TTI2: variants seen among roughly 807,000 people sequenced by gnomAD.
TTI2 encodes TELO2-interacting protein 2.
Under a neutral mutation model 44.9 loss-of-function variants are expected in TTI2, and 26 were observed. The observed-to-expected ratio is 0.58, with a 90% CI of 0.42 to 0.80. The LOEUF (loss-of-function observed/expected upper bound fraction) is 0.80. Among genes scored for constraint, TTI2 ranks in the 30% least tolerant of loss-of-function variants. The pLI is 0.00. For missense variants in TTI2, 582 were observed against 611.6 expected, an observed-to-expected ratio of 0.95 and a Z score of 0.51; for synonymous variants, 254 against 250.9, an observed-to-expected ratio of 1.01 and a Z score of -0.12.
In TTI2 at chr8:33,509,917, A is replaced by T; in HGVS notation, c.663T>A (p.Asn221Lys). Residue 221 changes from asparagine to lysine, a missense_variant, in exon 3 of 8, where the codon AAT (asparagine) becomes AAA (lysine). Transcript: ENST00000431156. The stretch of plus-strand genomic sequence containing the variant: ...AGAAAACATGTTTGATGGCAGGGTT[A>T]TTCTTCCAGGATTCCCTAAGTGAAT... ...KPDLYKESWK[N>K]NPAIKHVFSW... The T allele has an allele frequency of 6.7e-7, 1 of 1,491,244 alleles. No homozygotes were observed. The highest frequency in any genetic ancestry group is 9.0e-7 in the Non-Finnish European group (1 of 1,106,706). The allele number at this position is 1,491,244 out of a possible 1,614,324, so 92.4% of individuals were successfully genotyped here.
Position 33,499,214 on chromosome 8 carries a change from C to T in TTI2, c.1486G>A (p.Val496Met), listed in dbSNP as rs369232711. The T allele has an allele frequency of 1.2e-6, 2 of 1,613,968 alleles. No homozygotes were observed. The highest frequency in any genetic ancestry group is 2.7e-5 in the African/African-American group (2 of 74,908). Residue 496 changes from valine to methionine, a missense_variant, in exon 8 of 8, where the codon GTG becomes ATG. By Grantham distance (21) the Val-to-Met change is conservative. Coordinates refer to ENST00000431156, the MANE Select transcript of TTI2 (RefSeq NM_001102401.4). ...DRKVVNYIRK[V>M]QQVSEGAPYN... The stretch of plus-strand genomic sequence containing the variant: ...GGTGCGCCTTCAGAAACCTGCTGCA[C>T]TTTTCTGATATAGTTCACCACTTTT...
rs764657477 is a variant in TTI2 at position 33,509,863 on chromosome 8, G to A, written c.717C>T (p.Pro239=). The change falls in exon 3 of 8, where the codon CCC becomes CCT. Residue 239 remains proline (P), a synonymous_variant. Transcript: ENST00000431156. ...CCCTTTCCAGATGCTGGCTCAGCCA[G>A]GGCCGAGTGACCTGTTGCAGAGTCC... The part of the protein sequence containing the change: ...FSWTLQQVTR[P]WLSQHLERVL... 4 of 1,613,944 alleles carry A rather than the reference G, an allele frequency of 2.5e-6. No individual in the cohort carries two copies. The highest frequency in any genetic ancestry group is 2.2e-5 in the East Asian group (1 of 44,862).
At position 33,509,912 on chromosome 8, in the gene TTI2, G is replaced by A. The variant is rs745525486; in HGVS notation, c.668C>T (p.Pro223Leu). Reference protein sequence around the residue: ...DLYKESWKNNPAIKHVFSWTL... With the variant: ...DLYKESWKNNLAIKHVFSWTL... ...CCATGAGAAAACATGTTTGATGGCA[G>A]GGTTATTCTTCCAGGATTCCCTAAG... The change falls in exon 3 of 8, where the codon CCT becomes CTT. Residue 223 changes from proline (P) to leucine (L), a missense_variant. Transcript: ENST00000431156. The A allele has an allele frequency of 3.1e-6, 5 of 1,608,106 alleles. No homozygotes were observed. In the Admixed American group the frequency reaches 8.4e-5, roughly 27 times the overall value.
chr8:33,503,501 T>C lies in TTI2; in HGVS notation c.1187A>G (p.Asp396Gly), dbSNP rs1486477122. Residue 396 changes from aspartate to glycine, a missense_variant, in exon 6 of 8, where the codon GAT becomes GGT. By Grantham distance (94) the Asp-to-Gly change is moderately conservative (BLOSUM62 -1). Coordinates refer to ENST00000431156, the MANE Select transcript of TTI2 (RefSeq NM_001102401.4). ...CAGTCTAGCTTCCTCCTCAGGTCCATCATAAACCTCCAGATAACCAATGAT... is the reference window on the plus strand; with the variant it reads ...CAGTCTAGCTTCCTCCTCAGGTCCACCATAAACCTCCAGATAACCAATGAT... ...RVIIGYLEVYDGPEEEARLKI... is the reference protein window; with the variant it reads ...RVIIGYLEVYGGPEEEARLKI... The C allele has an allele frequency of 1.2e-6, 2 of 1,614,126 alleles. No individual in the cohort carries two copies. Among genetic ancestry groups the C allele is most frequent in the Non-Finnish European group, 8.5e-7 (1 of 1,180,020 alleles).
intron 3 of TTI2, among the ~76,000 whole-genome samples, 172 bp downstream of exon 3, chr8:33,509,574 A>G (rs1199305167): frequency 6.6e-6 from 1 of 151,868 alleles, no homozygotes; most frequent in Non-Finnish European, 1.5e-5. Context: ...TTATCATTTT[A>G]GTTATTACAT....
At position 33,503,143 on chromosome 8, in the gene TTI2, A is replaced by AC. The variant is rs796542003; in HGVS notation, c.1259+285_1259+286insG. 1.1e-3 allele frequency among the ~76,000 whole-genome samples: 159 copies of AC among 143,200 alleles called. 1 individual carries two copies. Among genetic ancestry groups the AC allele is most frequent in the African/African-American group, 3.9e-3 (148 of 37,732 alleles). The allele number at this position is 143,200 out of a possible 152,430, so 93.9% of individuals were successfully genotyped here. On this transcript the variant is annotated intron_variant, in intron 6 of 7. Coordinates refer to ENST00000431156, the MANE Select transcript of TTI2 (RefSeq NM_001102401.4). ...GACTCCATTTCAAAAAAAAAAAAAA[A>AC]AAAAACAAAAAAGATATACTAGAGT...
intron 2 of TTI2, among the ~76,000 whole-genome samples, chr8:33,511,137 G>T (rs1224076982): frequency 1.3e-5 from 2 of 152,040 alleles, no homozygotes; most frequent in African/African-American, 4.8e-5. Context: ...CTGCCTCCTG[G>T]TTTCAAGCGA....
At chr8:33,507,145 C>A in intron 4 of TTI2, 84 bp downstream of exon 4, 1 of 1,222,056 alleles carries the variant, frequency 8.2e-7, no homozygotes, top group South Asian at 1.3e-5. Context: ...GAAAATGTCT[C>A]TCAATTACTA....
intron 2 of TTI2, among the ~76,000 whole-genome samples, 159 bp downstream of exon 2, chr8:33,511,808 G>C (rs1809536796): frequency 6.6e-6 from 1 of 152,172 alleles, no homozygotes; most frequent in Admixed American, 6.5e-5. Flanking sequence ...AGAATCGCTT[G>C]AACCCAGGAG....
intron 4 of TTI2, among the ~76,000 whole-genome samples, chr8:33,505,257 G>A (rs949881044): frequency 6.6e-6 from 1 of 152,092 alleles, no homozygotes; most frequent in African/African-American, 2.4e-5. Context: ...AATAAAGGCA[G>A]CAGGGTGGGG....
At chr8:33,505,787 G>A (rs1809271960) in intron 4 of TTI2, among the ~76,000 whole-genome samples, 2 of 152,190 alleles carry the variant, frequency 1.3e-5, no homozygotes, top group African/African-American at 4.8e-5. Context: ...CCGAGTAGCT[G>A]TGACTACAGA....
intron 4 of TTI2, among the ~76,000 whole-genome samples, chr8:33,506,136 G>C (rs1447757806): frequency 1.3e-5 from 2 of 152,060 alleles, no homozygotes; most frequent in Non-Finnish European, 2.9e-5. Flanking sequence ...ATTCTGTACT[G>C]TATATATATG....
intron 2 of TTI2, 47 bp from the exon 3 acceptor site, chr8:33,509,979 CAAA>C (rs10588315): frequency 0.029 from 11,691 of 408,744 alleles, no homozygotes; most frequent in Middle Eastern, 0.042. Context: ...TGATAAGTAG[CAAA>C]AAAAAAAAAA....
intron 3 of TTI2, among the ~76,000 whole-genome samples, chr8:33,508,544 G>A (rs1311500067): frequency 2.1e-5 from 3 of 143,460 alleles, no homozygotes; most frequent in Non-Finnish European, 4.5e-5. Flanking sequence ...CCGGGAGGCA[G>A]AGGTTGCAGT....
chr8:33,505,595 T>G (rs1407559707), intron 4 of TTI2, among the ~76,000 whole-genome samples: 1 of 151,958 alleles, frequency 6.6e-6, no homozygotes, highest in African/African-American at 2.4e-5. Flanking sequence ...GTTCAAGCAA[T>G]TTTCCTGCCT....
chr8:33,504,563 G>C (rs1182539304), intron 4 of TTI2, among the ~76,000 whole-genome samples: 5 of 151,850 alleles, frequency 3.3e-5, no homozygotes, highest in African/African-American at 4.8e-5. Flanking sequence ...CCTAGGCCAG[G>C]GGTATCCAAT....
chr8:33,508,270 A>G (rs983953256), intron 3 of TTI2, among the ~76,000 whole-genome samples: 2 of 151,698 alleles, frequency 1.3e-5, no homozygotes, highest in Non-Finnish European at 2.9e-5. Context: ...CCTGTTGTCA[A>G]TTTGGTTTCT....
At chr8:33,508,590 C>T (rs997710668) in intron 3 of TTI2, among the ~76,000 whole-genome samples, 1 of 116,756 alleles carries the variant, frequency 8.6e-6, no homozygotes. Flanking sequence ...CAGCCTCCAG[C>T]GTAAGCGACA....
intron 5 of TTI2, 73 bp downstream of exon 5, chr8:33,503,675 C>T (rs903473955): frequency 2.7e-5 from 44 of 1,605,378 alleles, no homozygotes; most frequent in Admixed American, 3.3e-5. Flanking sequence ...GCCAGGAGCT[C>T]GAGAGCAGCT....
Sources: gnomAD v4.1 joint callset for allele counts (sites outside exome capture counted in the v4.1 genomes callset) on GRCh38, gnomAD v4.1.1 for gene constraint, MANE v1.5 for transcripts, NCBI Gene and HGNC (gene_info 2026-07-23, HGNC 2026-07-21) for gene names.